Variants in RALYL observed in about 807,000 individuals in gnomAD.
RALYL encodes the protein RALY RNA binding protein like.
A neutral mutation model predicts 35.1 loss-of-function variants in RALYL; 29 were observed. That is an observed-to-expected ratio of 0.83 (90% confidence interval 0.61 to 1.13). The LOEUF is 1.13. RALYL is among the 50% of genes most tolerant of loss of function. The pLI, the probability that RALYL is intolerant of heterozygous loss-of-function variation, is 0.00. For synonymous variants in RALYL, 120 were observed against 127.6 expected, an observed-to-expected ratio of 0.94 and a Z score of 0.40; for missense variants, 359 against 360.4, an observed-to-expected ratio of 1.00 and a Z score of 0.03.
At chr8:84,654,727 C>A (rs1829619113) in intron 2 of RALYL, among the ~76,000 whole-genome samples, 1 of 152,100 alleles carries the variant, frequency 6.6e-6, no homozygotes, top group Admixed American at 6.6e-5. Context: ...GTAATGACCT[C>A]AAGTTCCATC....
intron 2 of RALYL, among the ~76,000 whole-genome samples, chr8:84,551,393 A>T (rs2135431368): frequency 6.6e-6 from 1 of 152,294 alleles, no homozygotes; most frequent in Admixed American, 6.5e-5. Flanking sequence ...TTTGAATTCA[A>T]ATCTGGCTAC....
rs377325089 is a variant in RALYL at position 84,862,346 on chromosome 8, C to T, written c.464C>T (p.Pro155Leu). The change falls in exon 6 of 9, where the codon CCG becomes CTG. Residue 155 changes from proline (P) to leucine (L), a missense_variant. Transcript: ENST00000521268. ...CCTCCACCTCCCCGTGCAGTAATTCCGCTGAAGCGTCCCAGAGTGGCAGTC... is the reference window on the plus strand; with the variant it reads ...CCTCCACCTCCCCGTGCAGTAATTCTGCTGAAGCGTCCCAGAGTGGCAGTC... ...RVPPPPRAVI[P>L]LKRPRVAVTT... 17 of 1,604,506 alleles carry T rather than the reference C, an allele frequency of 1.1e-5. No individual in the cohort carries two copies. The highest frequency in any genetic ancestry group is 2.7e-5 in the African/African-American group (2 of 74,376).
chr8:84,214,231 A>G (rs1820240292), intron 1 of RALYL, among the ~76,000 whole-genome samples: 1 of 152,140 alleles, frequency 6.6e-6, no homozygotes, highest in African/African-American at 2.4e-5. Flanking sequence ...ACTCTGAGTA[A>G]TGAAAATTGA....
At chr8:84,904,178 T>C (rs1255775116) in intron 8 of RALYL, among the ~76,000 whole-genome samples, 1 of 152,168 alleles carries the variant, frequency 6.6e-6, no homozygotes, top group East Asian at 1.9e-4. Context: ...CATTTTTACT[T>C]CAGTGCCCAT....
intron 2 of RALYL, among the ~76,000 whole-genome samples, chr8:84,750,063 G>C (rs1231825550): frequency 1.3e-5 from 2 of 152,120 alleles, no homozygotes; most frequent in African/African-American, 2.4e-5. Flanking sequence ...TCAGGATGCT[G>C]CACTCTCAGC....
rs575161678 is a variant in RALYL, at chr8:84,487,140, T to G, written c.-23-42159T>G. ...TTCATATAGAATACAGTGCTTTATT[T>G]CATTTTAGTGATACATAATAAAACA... On this transcript the variant is annotated intron_variant, in intron 1 of 8. Transcript: ENST00000521268. 2.0e-5 allele frequency among the ~76,000 whole-genome samples: 3 copies of G among 152,230 alleles called. No homozygotes were observed. In the East Asian group the frequency reaches 5.8e-4, roughly 29 times the overall value.
chr8:84,510,653 A>T (rs1011806426), intron 1 of RALYL, among the ~76,000 whole-genome samples: 114 of 152,276 alleles, frequency 7.5e-4, no homozygotes, highest in African/African-American at 2.7e-3. Context: ...TCTACTAAAA[A>T]TACAAAATTA....
chr8:84,858,346 G>A (rs1837456036), intron 5 of RALYL, among the ~76,000 whole-genome samples: 1 of 152,066 alleles, frequency 6.6e-6, no homozygotes, highest in Non-Finnish European at 1.5e-5. Flanking sequence ...CTTGAGGAAA[G>A]AATTATTATT....
At chr8:84,448,527 T>C (rs924573680) in intron 1 of RALYL, among the ~76,000 whole-genome samples, 3 of 152,028 alleles carry the variant, frequency 2.0e-5, no homozygotes, top group African/African-American at 7.2e-5. Context: ...AAAACCTTCA[T>C]ACAGGATTAT....
chr8:84,198,484 T>A (rs1037211130), intron 1 of RALYL, among the ~76,000 whole-genome samples: 1 of 152,144 alleles, frequency 6.6e-6, no homozygotes, highest in Non-Finnish European at 1.5e-5. Context: ...ATCCATCCCC[T>A]CAAGCATTTA....
At chr8:84,554,768 G>A (rs754556355) in intron 2 of RALYL, among the ~76,000 whole-genome samples, 2 of 152,074 alleles carry the variant, frequency 1.3e-5, no homozygotes, top group Admixed American at 6.6e-5. Flanking sequence ...CTCTTAGGAC[G>A]AATAATACTA....
At chr8:84,838,169 G>A (rs1440780066) in intron 4 of RALYL, among the ~76,000 whole-genome samples, 1 of 152,116 alleles carries the variant, frequency 6.6e-6, no homozygotes, top group East Asian at 1.9e-4. Context: ...TAGCAATACA[G>A]TTCTAGGATA....
At chr8:84,612,618 C>T (rs753368259) in intron 2 of RALYL, among the ~76,000 whole-genome samples, 2 of 150,758 alleles carry the variant, frequency 1.3e-5, no homozygotes, top group African/African-American at 5.0e-5. Context: ...GGAGATAATA[C>T]GATTCTTTTA....
At chr8:84,366,629 GT>G (rs1208013121) in intron 1 of RALYL, among the ~76,000 whole-genome samples, 1 of 151,854 alleles carries the variant, frequency 6.6e-6, no homozygotes, top group Non-Finnish European at 1.5e-5. Flanking sequence ...ACAAAATTTA[GT>G]TGGATGTGGT....
At position 84,873,293 on chromosome 8, in the gene RALYL, A is replaced by G; in HGVS notation, c.581A>G (p.Asp194Gly). The G allele has an allele frequency of 6.4e-7, 1 of 1,570,722 alleles. No homozygotes were observed. The highest frequency in any genetic ancestry group is 8.7e-7 in the Non-Finnish European group (1 of 1,150,782). Residue 194 changes from aspartate to glycine, a missense_variant, in exon 7 of 9, where the codon GAT becomes GGT. Coordinates refer to ENST00000521268, the MANE Select transcript of RALYL (RefSeq NM_173848.7). ...TCTTTCTACTTTCCAGTGAAATCAG[A>G]TGAGTTACAGACCATCAAGAAAGAA... ...SGSTGSKLKS[D>G]ELQTIKKELT... is the part of the protein sequence containing the mutation.
rs1363701738 is a variant in RALYL, at chr8:84,917,992, A to G, written c.859-2902A>G. 2.0e-5 allele frequency among the ~76,000 whole-genome samples: 3 copies of G among 152,066 alleles called. No homozygotes were observed. The South Asian group carries it at 6.2e-4, about 31-fold the overall frequency. ...AGTGTGAGTGGCTGAATGATTACTC[A>G]AGAAACATGATCCATAGTGGCAACA... On this transcript the variant is annotated intron_variant, in intron 8 of 8. Transcript: ENST00000521268.
Position 84,415,215 on chromosome 8 carries a change from T to G in RALYL, c.-23-114084T>G, listed in dbSNP as rs1383207526. On this transcript the variant is annotated intron_variant, in intron 1 of 8. Transcript: ENST00000521268. Reference sequence around the variant, plus strand: ...TACTTGCAGACACTCGTTTTTTTTTTTTTGTTTTTTTGTTTTGTTTTGTTT... The same window carrying G: ...TACTTGCAGACACTCGTTTTTTTTTGTTTGTTTTTTTGTTTTGTTTTGTTT... Among the ~76,000 whole-genome samples, 59 of 150,058 alleles carry G rather than the reference T, an allele frequency of 3.9e-4. 1 individual carries two copies. The highest frequency in any genetic ancestry group is 9.3e-4 in the Admixed American group (14 of 15,056).
intron 1 of RALYL, among the ~76,000 whole-genome samples, chr8:84,295,306 T>A (rs1586026355): frequency 1.3e-5 from 2 of 152,112 alleles, no homozygotes; most frequent in South Asian, 4.1e-4. Context: ...CTGTTGATGT[T>A]TGTCATTGAG....
intron 2 of RALYL, among the ~76,000 whole-genome samples, chr8:84,563,437 C>T (rs1588198191): frequency 6.6e-6 from 1 of 151,880 alleles, no homozygotes; most frequent in African/African-American, 2.4e-5. Context: ...GGCACTCACA[C>T]TCAATTTCCT....
Sources: allele counts gnomAD v4.1 joint callset (sites outside exome capture counted in the v4.1 genomes callset), GRCh38; gene constraint gnomAD v4.1.1; transcripts MANE v1.5; gene names NCBI Gene and HGNC (gene_info 2026-07-23, HGNC 2026-07-21).